Variants in OR2L13 observed in about 807,000 individuals in gnomAD.
OR2L13 encodes the protein olfactory receptor 2L13.
In OR2L13, 14 loss-of-function variants were observed where a neutral mutation model predicts 15.3. That is an observed-to-expected ratio of 0.91 (90% CI 0.60 to 1.43). The LOEUF is 1.43. Ranked by LOEUF, OR2L13 falls within the 40% of genes most tolerant of loss-of-function variation. OR2L13 has a pLI of 0.00. For missense variants in OR2L13, 367 were observed against 387.9 expected, an observed-to-expected ratio of 0.95 and a Z score of 0.45; for synonymous variants, 152 against 142.9, an observed-to-expected ratio of 1.06 and a Z score of -0.45.
chr1:247,961,838 C>G, the OR2L13 span, among the ~76,000 whole-genome samples: 1 of 152,128 alleles, frequency 6.6e-6, no homozygotes, highest in Non-Finnish European at 1.5e-5. Context: ...GTATTACACA[C>G]TTTGGCAAAG....
chr1:248,020,527 T>G, the OR2L13 span, among the ~76,000 whole-genome samples: 8 of 152,084 alleles, frequency 5.3e-5, no homozygotes, highest in Admixed American at 4.6e-4. Context: ...TAAAATGAAA[T>G]TGGCATATGG....
At chr1:247,961,249 G>A in the OR2L13 span, among the ~76,000 whole-genome samples, 1 of 152,168 alleles carries the variant, frequency 6.6e-6, no homozygotes, top group African/African-American at 2.4e-5. Flanking sequence ...GACACAGACA[G>A]ATAAATGGGC....
the OR2L13 span, among the ~76,000 whole-genome samples, chr1:248,066,305 C>G: frequency 6.6e-6 from 1 of 152,084 alleles, no homozygotes; most frequent in South Asian, 2.1e-4. Flanking sequence ...GTTTCCTAGA[C>G]CTTGGCAAAA....
At chr1:248,057,628 T>C in the OR2L13 span, among the ~76,000 whole-genome samples, 1 of 152,188 alleles carries the variant, frequency 6.6e-6, no homozygotes, top group Non-Finnish European at 1.5e-5. Context: ...TTGATAAATA[T>C]ATAGGATGCA....
the OR2L13 span, chr1:247,996,916 A>G: frequency 6.6e-6 from 1 of 152,186 alleles, no homozygotes; most frequent in African/African-American, 2.4e-5. Flanking sequence ...TCTGACTTTC[A>G]GGAAATTGTC....
At chr1:248,028,537 C>T in the OR2L13 span, among the ~76,000 whole-genome samples, 1 of 152,176 alleles carries the variant, frequency 6.6e-6, no homozygotes, top group South Asian at 2.1e-4. Context: ...TGAATACAGA[C>T]ATGGAAAAAT....
the OR2L13 span, chr1:248,021,845 C>T: frequency 1.2e-6 from 1 of 802,112 alleles, no homozygotes; most frequent in Non-Finnish European, 2.1e-6. Flanking sequence ...CAATTTCAGG[C>T]ATTCACTGGA....
the OR2L13 span, chr1:248,040,846 A>C: frequency 6.6e-6 from 1 of 152,178 alleles, no homozygotes; most frequent in African/African-American, 2.4e-5. Flanking sequence ...TCTGTACTAC[A>C]ATTGGAATAA....
chr1:247,965,481 T>C, the OR2L13 span: 2 of 1,613,828 alleles, frequency 1.2e-6, no homozygotes, highest in South Asian at 1.1e-5. Flanking sequence ...CCACCCTCTT[T>C]ACAGTTGCTC....
chr1:248,023,476 G>T, the OR2L13 span: 1 of 152,176 alleles, frequency 6.6e-6, no homozygotes, highest in Non-Finnish European at 1.5e-5. Context: ...AGTTGACTTA[G>T]ACTTAGTTGA....
chr1:247,979,908 A>C, the OR2L13 span, among the ~76,000 whole-genome samples: 1 of 152,132 alleles, frequency 6.6e-6, no homozygotes, highest in Admixed American at 6.6e-5. Context: ...TTTTCAGGAA[A>C]TTTTCTTTGC....
At chr1:248,061,430 A>G in the OR2L13 span, 9 of 1,614,008 alleles carry the variant, frequency 5.6e-6, no homozygotes, top group East Asian at 4.5e-5. Context: ...GTAACTTTCT[A>G]CTATGCACCT....
the OR2L13 span, chr1:248,039,202 T>C: frequency 1.9e-6 from 3 of 1,605,408 alleles, no homozygotes; most frequent in Admixed American, 1.7e-5. Flanking sequence ...TCAGTGAAAA[T>C]GTAGACATAC....
the OR2L13 span, among the ~76,000 whole-genome samples, chr1:247,954,389 A>G: frequency 6.6e-6 from 1 of 152,168 alleles, no homozygotes; most frequent in South Asian, 2.1e-4. Context: ...ATGGAGGTCA[A>G]TTTGACATTT....
At chr1:248,038,144 A>G in the OR2L13 span, 2 of 674,266 alleles carry the variant, frequency 3.0e-6, no homozygotes, top group Admixed American at 2.7e-5. Flanking sequence ...TATAGGGTTC[A>G]GTATCAACCC....
chr1:247,965,515 C>T, the OR2L13 span: 1 of 1,613,264 alleles, frequency 6.2e-7, no homozygotes, highest in Non-Finnish European at 8.5e-7. Context: ...CATGCTGATC[C>T]ACCTCATTCG....
the OR2L13 span, chr1:248,022,935 C>T: frequency 8.1e-6 from 12 of 1,473,616 alleles, no homozygotes; most frequent in South Asian, 5.4e-5. Flanking sequence ...ATCAACTCAG[C>T]AGTGTACAGC....
the OR2L13 span, among the ~76,000 whole-genome samples, chr1:247,951,620 T>C: frequency 5.3e-3 from 814 of 152,342 alleles, 7 homozygotes; most frequent in African/African-American, 0.019. Flanking sequence ...TTTGAACTTG[T>C]CTTATGAATC....
rs1380419335 is a variant in OR2L13, at chr1:248,099,979, A to ACAAG, written c.606_609dup (p.Leu204LysfsTer67). ...CTATGAATATATGGTTTTTGTAAGT[A>ACAAG]CAAGCCTCTTTCTCCTTTTCCCTTT... On this transcript the variant is annotated frameshift_variant, in exon 3 of 3. Coordinates refer to ENST00000641714, the Ensembl canonical transcript of OR2L13. LOFTEE classifies it high-confidence loss of function. The ACAAG allele has an allele frequency of 5.6e-6, 9 of 1,613,998 alleles. No homozygotes were observed. The highest frequency in any genetic ancestry group is 7.6e-6 in the Non-Finnish European group (9 of 1,179,990).
Sources: allele counts gnomAD v4.1 joint callset (sites outside exome capture counted in the v4.1 genomes callset), GRCh38; gene constraint gnomAD v4.1.1; transcripts MANE v1.5; gene names NCBI Gene and HGNC (gene_info 2026-07-23, HGNC 2026-07-21).